RIN3: variants seen among roughly 807,000 people sequenced by gnomAD.
RIN3 encodes the protein RAB5 interacting protein 3.
RIN3 carries 54 observed loss-of-function variants against 76.3 expected under a neutral mutation model. The observed-to-expected ratio is 0.71, with a 90% CI of 0.57 to 0.89. RIN3 has a LOEUF of 0.89. RIN3 is among the 40% of genes least tolerant of loss of function. The pLI, the probability that RIN3 is intolerant of heterozygous loss-of-function variation, is 0.00. For synonymous variants in RIN3, 576 were observed against 564.0 expected, an observed-to-expected ratio of 1.02 and a Z score of -0.30; for missense variants, 1,256 against 1,322.1, an observed-to-expected ratio of 0.95 and a Z score of 0.78.
chr14:92,572,757 G>A lies in RIN3; in HGVS notation c.250-4603G>A, dbSNP rs546791452. ...CTAGCTGTCCGGGCAGTGTGGCTCCGTGGGTTGGTGAAAGCAGTATCCAGC... is the reference window on the plus strand; with the variant it reads ...CTAGCTGTCCGGGCAGTGTGGCTCCATGGGTTGGTGAAAGCAGTATCCAGC... On this transcript the variant is annotated intron_variant, in intron 2 of 9. Coordinates refer to ENST00000216487, the MANE Select transcript of RIN3 (RefSeq NM_024832.5). Among the ~76,000 whole-genome samples, 6 of 152,172 alleles carry A rather than the reference G, an allele frequency of 3.9e-5. 1 individual carries two copies. The highest frequency in any genetic ancestry group is 4.2e-4 in the South Asian group (2 of 4,812).
At chr14:92,629,117 A>AAGAGAGAGAGAGAG (rs58288914) in intron 4 of RIN3, among the ~76,000 whole-genome samples, 3 of 145,264 alleles carry the variant, frequency 2.1e-5, no homozygotes, top group African/African-American at 5.1e-5. Context: ...CGGAAAGGAA[A>AAGAGAGAGAGAGAG]AGAGAGAGAG....
At chr14:92,517,348 G>A (rs1026897404) in intron 1 of RIN3, among the ~76,000 whole-genome samples, 1 of 152,164 alleles carries the variant, frequency 6.6e-6, no homozygotes, top group South Asian at 2.1e-4. Context: ...GACAAATTTT[G>A]TCTGGGGAGA....
chr14:92,593,651 T>A (rs1472213282), intron 3 of RIN3, among the ~76,000 whole-genome samples: 1 of 152,214 alleles, frequency 6.6e-6, no homozygotes, highest in Admixed American at 6.5e-5. Flanking sequence ...GTAACAAACC[T>A]GCACGTTGTG....
chr14:92,609,591 A>G (rs1395728476), intron 3 of RIN3, among the ~76,000 whole-genome samples: 2 of 152,184 alleles, frequency 1.3e-5, no homozygotes, highest in African/African-American at 4.8e-5. Flanking sequence ...CGGGTGCTGG[A>G]CGGCCTGAGG....
chr14:92,664,488 C>T (rs1021349502), intron 7 of RIN3, among the ~76,000 whole-genome samples: 1 of 151,568 alleles, frequency 6.6e-6, no homozygotes, highest in Non-Finnish European at 1.5e-5. Context: ...CTGCCCCAGC[C>T]TCCCAAGTAG....
At chr14:92,589,512 A>G (rs1884904223) in intron 3 of RIN3, among the ~76,000 whole-genome samples, 2 of 152,112 alleles carry the variant, frequency 1.3e-5, no homozygotes, top group South Asian at 4.1e-4. Flanking sequence ...CCTGATCTGG[A>G]TGGACTGAGA....
At chr14:92,644,189 C>G (rs1456033521) in intron 5 of RIN3, among the ~76,000 whole-genome samples, 1 of 152,234 alleles carries the variant, frequency 6.6e-6, no homozygotes, top group African/African-American at 2.4e-5. Context: ...TGCACCTCCC[C>G]ACCTTCTCTG....
At chr14:92,631,745 C>T (rs1428862354) in intron 4 of RIN3, among the ~76,000 whole-genome samples, 1 of 152,142 alleles carries the variant, frequency 6.6e-6, no homozygotes, top group Non-Finnish European at 1.5e-5. Flanking sequence ...AGACTACAGG[C>T]ACACACCACT....
At chr14:92,587,567 G>C (rs1884821621) in intron 3 of RIN3, among the ~76,000 whole-genome samples, 1 of 152,222 alleles carries the variant, frequency 6.6e-6, no homozygotes, top group South Asian at 2.1e-4. Context: ...AAATGGGTTA[G>C]TATTGTGGGT....
chr14:92,651,531 C>A (rs1887419421), intron 5 of RIN3, 51 bp from the exon 6 acceptor site: 1 of 841,026 alleles, frequency 1.2e-6, no homozygotes. Context: ...AGCACAGCAA[C>A]ACCTAGTCCC....
intron 3 of RIN3, among the ~76,000 whole-genome samples, chr14:92,605,499 G>A (rs1345660034): frequency 1.3e-5 from 2 of 152,244 alleles, no homozygotes; most frequent in African/African-American, 2.4e-5. Context: ...CTCGTTCCAT[G>A]CTTTCATATC....
intron 1 of RIN3, 24 bp from the exon 2 acceptor site, chr14:92,555,727 T>G: frequency 1.2e-6 from 2 of 1,612,624 alleles, no homozygotes. Context: ...GCAGGATAGC[T>G]GATCATTGAA....
intron 1 of RIN3, among the ~76,000 whole-genome samples, chr14:92,540,077 C>T (rs868319737): frequency 1.8e-4 from 28 of 152,338 alleles, no homozygotes; most frequent in Middle Eastern, 3.4e-3. Flanking sequence ...CTGGAGAGTG[C>T]TGGACGCACA....
chr14:92,518,596 A>C (rs1896507592), intron 1 of RIN3, among the ~76,000 whole-genome samples: 1 of 152,018 alleles, frequency 6.6e-6, no homozygotes, highest in Admixed American at 6.6e-5. Context: ...CCCTAATTTT[A>C]TCCTCCCCAG....
chr14:92,661,749 A>ACT, intron 7 of RIN3, among the ~76,000 whole-genome samples: 1 of 139,994 alleles, frequency 7.1e-6, no homozygotes, highest in Non-Finnish European at 1.6e-5. Context: ...ACACACACAC[A>ACT]CACACACACA....
intron 7 of RIN3, 60 bp downstream of exon 7, chr14:92,659,529 C>A (rs545285413): frequency 1.3e-4 from 183 of 1,454,978 alleles, no homozygotes; most frequent in Non-Finnish European, 1.6e-4. Context: ...GTCCATGACC[C>A]CACCCTGACC....
intron 2 of RIN3, among the ~76,000 whole-genome samples, chr14:92,561,109 TTATA>T (rs1376733993): frequency 9.0e-6 from 1 of 111,492 alleles, no homozygotes; most frequent in South Asian, 2.9e-4. Flanking sequence ...TATGCCATAT[TTATA>T]TATATTTATA....
rs373209772 is a variant in RIN3, at chr14:92,532,688, C to T, written c.44+18712C>T. On this transcript the variant is annotated intron_variant, in intron 1 of 9. Coordinates refer to ENST00000216487, the MANE Select transcript of RIN3 (RefSeq NM_024832.5). ...GAGTAAGCAGCAGGCAGGACAGAGG[C>T]GGGGGTCACGGGGCCACGGTGGAAT... is the stretch of plus-strand genomic sequence containing the variant. Among the ~76,000 whole-genome samples, 9 of 152,172 alleles carry T rather than the reference C, an allele frequency of 5.9e-5. No individual in the cohort carries two copies. The East Asian group carries it at 1.7e-3, about 29-fold the overall frequency.
chr14:92,610,341 C>A (rs1348497897), intron 3 of RIN3, among the ~76,000 whole-genome samples: 1 of 152,204 alleles, frequency 6.6e-6, no homozygotes, highest in Non-Finnish European at 1.5e-5. Flanking sequence ...CCCCCTACCC[C>A]CAGCCCTAAG....
Sources: allele counts gnomAD v4.1 joint callset (sites outside exome capture counted in the v4.1 genomes callset), GRCh38; gene constraint gnomAD v4.1.1; transcripts MANE v1.5; gene names NCBI Gene and HGNC (gene_info 2026-07-23, HGNC 2026-07-21).